Variants in SLC2A2 observed in about 807,000 individuals in gnomAD.
The protein encoded by SLC2A2 is solute carrier family 2, facilitated glucose transporter member 2.
In SLC2A2, 36 loss-of-function variants were observed where a neutral mutation model predicts 54.5. The ratio of observed to expected loss-of-function variants is 0.66; its 90% CI spans 0.51 to 0.87. SLC2A2 has a LOEUF of 0.87. Ranked by LOEUF, SLC2A2 falls within the 40% of genes least tolerant of loss-of-function variation. The pLI, the probability that SLC2A2 is intolerant of heterozygous loss-of-function variation, is 0.00. For missense variants in SLC2A2, 543 were observed against 624.3 expected (o/e 0.87, Z 1.39); for synonymous variants, 223 against 219.1 (o/e 1.02, Z -0.16).
At chr3:171,015,398 C>T (rs1191118755) in intron 2 of SLC2A2, among the ~76,000 whole-genome samples, 1 of 151,964 alleles carries the variant, frequency 6.6e-6, no homozygotes, top group Non-Finnish European at 1.5e-5. Context: ...CTTGAGCCTG[C>T]GAGGTTGAGG....
At chr3:170,998,586 A>C (rs546887317) in intron 9 of SLC2A2, among the ~76,000 whole-genome samples, 190 bp from the exon 10 acceptor site, 1 of 152,310 alleles carries the variant, frequency 6.6e-6, no homozygotes, top group Non-Finnish European at 1.5e-5. Context: ...TAGATTTCTT[A>C]TAAGGAAATC....
chr3:171,008,703 G>A (rs1260365701), intron 4 of SLC2A2, among the ~76,000 whole-genome samples: 6 of 151,736 alleles, frequency 4.0e-5, no homozygotes, highest in African/African-American at 1.5e-4. Flanking sequence ...TTGGGACTTC[G>A]TTCATAGTGT....
chr3:171,023,049 A>G (rs1716534347), intron 1 of SLC2A2, among the ~76,000 whole-genome samples: 1 of 152,222 alleles, frequency 6.6e-6, no homozygotes, highest in Non-Finnish European at 1.5e-5. Flanking sequence ...GCAACTATGA[A>G]GGAGATAGGA....
At chr3:171,025,337 T>TTA (rs1553789249) in intron 1 of SLC2A2, among the ~76,000 whole-genome samples, 1 of 143,684 alleles carries the variant, frequency 7.0e-6, no homozygotes, top group African/African-American at 2.6e-5. Context: ...CTTTTATAAT[T>TTA]TATAAATACT....
chr3:170,999,580 G>A (rs1250108647), intron 8 of SLC2A2, among the ~76,000 whole-genome samples: 1 of 152,008 alleles, frequency 6.6e-6, no homozygotes, highest in East Asian at 1.9e-4. Context: ...TTTTCTAATA[G>A]TTATCCTAAG....
chr3:171,003,817 C>G (rs1162274218), intron 7 of SLC2A2, among the ~76,000 whole-genome samples: 1 of 151,876 alleles, frequency 6.6e-6, no homozygotes, highest in African/African-American at 2.4e-5. Context: ...GGCATGTGCT[C>G]AACTTTGATA....
At chr3:171,021,773 C>T (rs971309621) in intron 1 of SLC2A2, among the ~76,000 whole-genome samples, 1 of 152,160 alleles carries the variant, frequency 6.6e-6, no homozygotes, top group African/African-American at 2.4e-5. Flanking sequence ...TAAAGTCTGT[C>T]GTTTTGCCCT....
intron 9 of SLC2A2, 65 bp from the exon 10 acceptor site, chr3:170,998,461 G>A: frequency 1.5e-6 from 2 of 1,331,452 alleles, no homozygotes; most frequent in Non-Finnish European, 2.2e-6. Context: ...CTTTAGCTAA[G>A]TAGCCTCTGA....
chr3:171,016,829 T>C (rs1716173469), intron 2 of SLC2A2, among the ~76,000 whole-genome samples: 1 of 150,116 alleles, frequency 6.7e-6, no homozygotes. Context: ...CGTCTAAGAC[T>C]GGAGGGGATG....
chr3:170,999,858 A>G (rs923873730), intron 8 of SLC2A2, among the ~76,000 whole-genome samples: 41 of 152,260 alleles, frequency 2.7e-4, no homozygotes, highest in Middle Eastern at 3.4e-3. Flanking sequence ...TTAACTGAGG[A>G]GATACGTCAT....
chr3:170,999,092 G>T lies in SLC2A2; in HGVS notation c.1143C>A (p.Ile381=). 1 of 1,612,832 alleles carries T rather than the reference G, an allele frequency of 6.2e-7. No individual in the cohort carries two copies. Among genetic ancestry groups the T allele is most frequent in the Non-Finnish European group, 8.5e-7 (1 of 1,179,026 alleles). The stretch of plus-strand genomic sequence containing the variant: ...GCAGCACAAGTCCCACTGACATGAA[G>T]ATGGCACAAACAAACATCCCACTCA... ...IGMSGMFVCA[I]FMSVGLVLLN... Residue 381 remains isoleucine (I), a synonymous_variant, in exon 9 of 11, where the codon ATC becomes ATA. Transcript: ENST00000314251.
At chr3:171,023,250 T>C (rs1716544320) in intron 1 of SLC2A2, among the ~76,000 whole-genome samples, 1 of 152,330 alleles carries the variant, frequency 6.6e-6, no homozygotes, top group Admixed American at 6.5e-5. Context: ...AAGCAGGTCA[T>C]TTGAATTTCT....
chr3:171,005,429 A>G lies in SLC2A2; in HGVS notation c.819T>C (p.Ile273=). ...LRGYDDVTKD[I]NEMRKEREEA... ...CTTCTCTTTCTTTTCTCATTTCATTAATATCTTTGGTGACATCATCATATC... is the reference window on the plus strand; with the variant it reads ...CTTCTCTTTCTTTTCTCATTTCATTGATATCTTTGGTGACATCATCATATC... Residue 273 remains isoleucine (I), a synonymous_variant, in exon 7 of 11, where the codon ATT becomes ATC. Coordinates refer to ENST00000314251, the MANE Select transcript of SLC2A2 (RefSeq NM_000340.2). 3 of 1,612,640 alleles carry G rather than the reference A, an allele frequency of 1.9e-6. No individual in the cohort carries two copies. The highest frequency in any genetic ancestry group is 2.5e-6 in the Non-Finnish European group (3 of 1,179,162).
At position 170,998,521 on chromosome 3, in the gene SLC2A2, A is replaced by G. The variant is rs1025465475; in HGVS notation, c.1171-125T>C. On this transcript the variant is annotated intron_variant, in intron 9 of 10. Transcript: ENST00000314251. ...TCTAATGTATTTTGTTCAAGCAAGT[A>G]TAAGTTATTCTATTCTGAGAGAAAT... is the stretch of plus-strand genomic sequence containing the variant. The G allele has an allele frequency of 4.0e-5, 29 of 732,050 alleles. No individual in the cohort carries two copies. The Admixed American group carries it at 5.4e-4, about 14-fold the overall frequency. 45.3% of individuals were successfully genotyped at this position (732,050 alleles called of 1,614,324 possible).
chr3:171,025,486 A>G (rs1246578244), intron 1 of SLC2A2, among the ~76,000 whole-genome samples: 1 of 152,168 alleles, frequency 6.6e-6, no homozygotes, highest in Non-Finnish European at 1.5e-5. Context: ...ATCCCATATT[A>G]TATCACTGAG....
At chr3:171,018,948 C>T (rs1156243033) in intron 1 of SLC2A2, among the ~76,000 whole-genome samples, 1 of 151,332 alleles carries the variant, frequency 6.6e-6, no homozygotes, top group East Asian at 1.9e-4. Context: ...AATAGGGATG[C>T]ATAAAATATA....
chr3:170,997,686 C>T lies in SLC2A2; in HGVS notation c.*217G>A, dbSNP rs1313859583. On this transcript the variant is annotated 3_prime_UTR_variant, in exon 11 of 11. Coordinates refer to ENST00000314251, the MANE Select transcript of SLC2A2 (RefSeq NM_000340.2). ...CCTTTAGTGTAACAAAATAAACTAG[C>T]CTTTTTGGTTTACTTAATTACAGTC... 2.2e-5 allele frequency: 12 copies of T among 554,034 alleles called. No individual in the cohort carries two copies. The highest frequency in any genetic ancestry group is 2.8e-5 in the Non-Finnish European group (9 of 315,984). 34.3% of individuals were successfully genotyped at this position (554,034 alleles called of 1,614,324 possible).
chr3:171,018,718 C>T (rs956127136), intron 1 of SLC2A2, 95 bp from the exon 2 acceptor site: 6 of 817,414 alleles, frequency 7.3e-6, no homozygotes, highest in Admixed American at 1.8e-5. Flanking sequence ...ACAGGCTCCA[C>T]AGGCTGGTTC....
chr3:170,999,288 CA>C, intron 8 of SLC2A2, 122 bp from the exon 9 acceptor site: 1 of 723,566 alleles, frequency 1.4e-6, no homozygotes, highest in Non-Finnish European at 2.5e-6. Context: ...GAGGCAATTC[CA>C]TCCTTCCATT....
Sources: gnomAD v4.1 joint callset for allele counts (sites outside exome capture counted in the v4.1 genomes callset) on GRCh38, gnomAD v4.1.1 for gene constraint, MANE v1.5 for transcripts, NCBI Gene and HGNC (gene_info 2026-07-23, HGNC 2026-07-21) for gene names.